RASGRF2: variants seen among roughly 807,000 people sequenced by gnomAD.
RASGRF2 encodes the protein Ras protein specific guanine nucleotide releasing factor 2.
A neutral mutation model predicts 151.0 loss-of-function variants in RASGRF2; 76 were observed. That is an observed-to-expected ratio of 0.50 (90% CI 0.42 to 0.61). The LOEUF (loss-of-function observed/expected upper bound fraction) is 0.61, where lower values mean the gene tolerates loss of function less well. Ranked by LOEUF, RASGRF2 falls within the 20% of genes least tolerant of loss-of-function variation. RASGRF2 has a pLI of 0.00. For synonymous variants in RASGRF2, 504 were observed against 566.5 expected, an observed-to-expected ratio of 0.89 and a Z score of 1.57; for missense variants, 1,148 against 1,564.6, an observed-to-expected ratio of 0.73 and a Z score of 4.49.
chr5:81,166,549 A>G (rs943743100), intron 17 of RASGRF2, among the ~76,000 whole-genome samples: 1 of 152,174 alleles, frequency 6.6e-6, no homozygotes, highest in Non-Finnish European at 1.5e-5. Context: ...AGGATACCTA[A>G]GATAAGCAAG....
intron 12 of RASGRF2, among the ~76,000 whole-genome samples, chr5:81,105,593 A>G (rs1041090732): frequency 2.6e-5 from 4 of 152,276 alleles, no homozygotes; most frequent in Admixed American, 2.0e-4. Context: ...TTGAAGGAAC[A>G]TTGTTCATTT....
At chr5:81,004,063 G>T (rs139498435) in intron 1 of RASGRF2, among the ~76,000 whole-genome samples, 5 of 152,198 alleles carry the variant, frequency 3.3e-5, no homozygotes, top group Non-Finnish European at 7.3e-5. Context: ...TGAAAGCAGG[G>T]TCCCTGCCCC....
chr5:80,966,083 TTGTGTGTG>T (rs70994407), intron 1 of RASGRF2, among the ~76,000 whole-genome samples: 3 of 149,638 alleles, frequency 2.0e-5, no homozygotes, highest in African/African-American at 2.5e-5. Context: ...GGATATATGT[TTGTGTGTG>T]TGTGTGTGTG....
At chr5:81,066,160 C>A (rs1319037654) in intron 2 of RASGRF2, among the ~76,000 whole-genome samples, 1 of 151,972 alleles carries the variant, frequency 6.6e-6, no homozygotes, top group Non-Finnish European at 1.5e-5. Context: ...TATTATTTTT[C>A]TCCCTTAAGT....
intron 18 of RASGRF2, among the ~76,000 whole-genome samples, chr5:81,199,414 G>C (rs752075142): frequency 5.3e-5 from 8 of 152,166 alleles, no homozygotes; most frequent in Non-Finnish European, 1.0e-4. Flanking sequence ...TCCATCATGG[G>C]GGATGGTAAC....
intron 1 of RASGRF2, among the ~76,000 whole-genome samples, chr5:80,994,239 G>T (rs552670207): frequency 6.6e-6 from 1 of 151,772 alleles, no homozygotes; most frequent in African/African-American, 2.4e-5. Flanking sequence ...GGTGGTAGGC[G>T]CCTGTAGTCC....
intron 2 of RASGRF2, among the ~76,000 whole-genome samples, chr5:81,059,713 C>T (rs368773559): frequency 1.3e-3 from 195 of 151,784 alleles, no homozygotes; most frequent in African/African-American, 4.6e-3. Context: ...GGCATGGTGG[C>T]GGGCACCTGT....
At chr5:80,962,987 G>A (rs1747612260) in intron 1 of RASGRF2, among the ~76,000 whole-genome samples, 2 of 152,340 alleles carry the variant, frequency 1.3e-5, no homozygotes, top group South Asian at 4.1e-4. Context: ...TGGATTAGGA[G>A]TTGGGCTGGG....
At chr5:81,127,032 A>G (rs749362114) in intron 16 of RASGRF2, 42 bp from the exon 17 acceptor site, 2 of 1,589,538 alleles carry the variant, frequency 1.3e-6, no homozygotes, top group African/African-American at 1.3e-5. Context: ...AATATTATCC[A>G]TTTGCCTCAC....
At chr5:81,044,485 C>T (rs1016646013) in intron 2 of RASGRF2, among the ~76,000 whole-genome samples, 12 of 152,114 alleles carry the variant, frequency 7.9e-5, no homozygotes, top group East Asian at 1.9e-4. Context: ...GAACCCTTGA[C>T]GCTTTCTCTG....
At chr5:81,055,056 G>A (rs74558013) in intron 2 of RASGRF2, among the ~76,000 whole-genome samples, 1 of 152,096 alleles carries the variant, frequency 6.6e-6, no homozygotes, top group African/African-American at 2.4e-5. Flanking sequence ...TAAATATACA[G>A]TCATATCATC....
chr5:81,201,232 C>T, intron 18 of RASGRF2, 98 bp from the exon 19 acceptor site: 1 of 1,477,552 alleles, frequency 6.8e-7, no homozygotes, highest in Middle Eastern at 2.2e-4. Context: ...AATTTCCATA[C>T]CTAGCTTCTA....
chr5:81,155,949 C>T (rs561039274), intron 17 of RASGRF2, among the ~76,000 whole-genome samples: 1 of 152,208 alleles, frequency 6.6e-6, no homozygotes, highest in South Asian at 2.1e-4. Context: ...TTTATCTTGC[C>T]TGGGAATGTT....
intron 18 of RASGRF2, among the ~76,000 whole-genome samples, chr5:81,188,550 A>G (rs1755085054): frequency 2.0e-5 from 3 of 152,134 alleles, no homozygotes; most frequent in South Asian, 4.1e-4. Flanking sequence ...TGATTCTTAG[A>G]ATGAAGGTAG....
At chr5:81,035,684 T>C (rs1232812105) in intron 1 of RASGRF2, among the ~76,000 whole-genome samples, 1 of 151,864 alleles carries the variant, frequency 6.6e-6, no homozygotes, top group African/African-American at 2.4e-5. Context: ...AATAGAGAAT[T>C]GGTGAATTAG....
intron 2 of RASGRF2, among the ~76,000 whole-genome samples, chr5:81,059,958 C>T (rs72635623): frequency 0.15 from 22,860 of 152,212 alleles, 2,168 homozygotes; most frequent in East Asian, 0.36. Flanking sequence ...TGGCATCTGC[C>T]CCACTTCTGG....
At position 81,112,869 on chromosome 5, in the gene RASGRF2, T is replaced by G; in HGVS notation, c.2087+11T>G. The G allele has an allele frequency of 6.2e-7, 1 of 1,614,142 alleles. No homozygotes were observed. The highest frequency in any genetic ancestry group is 8.5e-7 in the Non-Finnish European group (1 of 1,180,006). ...CTCCATCCCTGTCAGGTACACCTAT[T>G]GCTAGAGGTTAGCCTGTCATTCGCA... On this transcript the variant is annotated intron_variant, in intron 14 of 26. Coordinates refer to ENST00000265080, the MANE Select transcript of RASGRF2 (RefSeq NM_006909.3).
chr5:81,058,388 T>C (rs1350802376), intron 2 of RASGRF2, among the ~76,000 whole-genome samples: 1 of 152,060 alleles, frequency 6.6e-6, no homozygotes, highest in Non-Finnish European at 1.5e-5. Flanking sequence ...ATGCCAGTGG[T>C]TTGAGAAATA....
intron 2 of RASGRF2, among the ~76,000 whole-genome samples, chr5:81,051,225 A>G (rs550451303): frequency 6.6e-6 from 1 of 152,220 alleles, no homozygotes; most frequent in East Asian, 1.9e-4. Flanking sequence ...AGTTATACCT[A>G]TGGGATTTTT....
Sources: allele counts gnomAD v4.1 joint callset (sites outside exome capture counted in the v4.1 genomes callset), GRCh38; gene constraint gnomAD v4.1.1; transcripts MANE v1.5; gene names NCBI Gene and HGNC (gene_info 2026-07-23, HGNC 2026-07-21).